The following RTL9 variants were observed in gnomAD, a reference collection of about 807,000 sequenced individuals.
The protein encoded by RTL9 is retrotransposon Gag-like protein 9.
A neutral mutation model predicts 44.7 loss-of-function variants in RTL9; 19 were observed. That is an observed-to-expected ratio of 0.42 (90% confidence interval 0.30 to 0.62). RTL9 has a LOEUF of 0.62. Among genes scored for constraint, RTL9 ranks in the 20% least tolerant of loss-of-function variants. The probability of loss-of-function intolerance (pLI) is 0.16; values close to 1 mark genes in which losing one functional copy is unlikely to be tolerated. For synonymous variants in RTL9, 407 were observed against 398.9 expected (o/e 1.02, Z -0.24); for missense variants, 1,105 against 1,080.6 (o/e 1.02, Z -0.32).
At chrX:110,397,488 G>T (rs2068535480) in intron 1 of RTL9, among the ~76,000 whole-genome samples, 1 of 110,161 alleles carries the variant, frequency 9.1e-6, no homozygotes, top group Non-Finnish European at 1.9e-5. Context: ...CTAGAGATTA[G>T]TCACAGCAGG....
intron 1 of RTL9, among the ~76,000 whole-genome samples, chrX:110,382,800 T>C (rs760168893): frequency 1.8e-5 from 2 of 112,145 alleles, no homozygotes; most frequent in Admixed American, 1.9e-4. Context: ...GGCCACTGTG[T>C]TAATTAAATT....
chrX:110,446,262 C>G (rs1369789460), upstream of RTL9, among the ~76,000 whole-genome samples: 1 of 111,222 alleles, frequency 9.0e-6, no homozygotes, highest in Non-Finnish European at 1.9e-5. Flanking sequence ...AGTCTTTATC[C>G]TAAGAATATA....
intron 1 of RTL9, among the ~76,000 whole-genome samples, chrX:110,406,114 GT>G (rs201895781): frequency 2.5e-3 from 260 of 103,806 alleles, no homozygotes; most frequent in East Asian, 0.016. Flanking sequence ...CTGGAAAGTG[GT>G]TTTTTTTTTT....
At chrX:110,452,842 G>A in exon 1 of RTL9, 1 of 1,211,816 alleles carries the variant, frequency 8.3e-7, no homozygotes, top group East Asian at 3.0e-5. Context: ...ATGACCGCTG[G>A]AGGGATGCAG....
chrX:110,451,082 A>G (rs1183339212), exon 1 of RTL9: 2 of 1,212,045 alleles, frequency 1.7e-6, no homozygotes, highest in East Asian at 5.9e-5. Context: ...CCGCAACGCT[A>G]ATGGTAGCAC....
chrX:110,401,029 C>T (rs1368389701), intron 1 of RTL9, among the ~76,000 whole-genome samples: 2 of 112,272 alleles, frequency 1.8e-5, no homozygotes. Context: ...TTGTGCTGAA[C>T]CATTTACACA....
intron 1 of RTL9, among the ~76,000 whole-genome samples, chrX:110,409,685 G>A (rs1048565060): frequency 4.6e-5 from 5 of 107,692 alleles, no homozygotes; most frequent in African/African-American, 1.4e-4. Flanking sequence ...TCAATAATAC[G>A]TGTACTCCTT....
At chrX:110,393,989 C>T (rs897132124) in intron 1 of RTL9, among the ~76,000 whole-genome samples, 1 of 112,473 alleles carries the variant, frequency 8.9e-6, no homozygotes, top group Admixed American at 9.3e-5. Context: ...GCTCAATGAG[C>T]GCTTTTGTGA....
At chrX:110,402,373 T>C (rs1211839131) in intron 1 of RTL9, among the ~76,000 whole-genome samples, 2 of 113,069 alleles carry the variant, frequency 1.8e-5, no homozygotes, top group Non-Finnish European at 3.7e-5. Context: ...AGGGTTGCCT[T>C]GGTAAGGCAG....
intron 1 of RTL9, among the ~76,000 whole-genome samples, chrX:110,438,316 G>A (rs1046257175): frequency 3.6e-5 from 4 of 111,835 alleles, no homozygotes; most frequent in African/African-American, 1.3e-4. Flanking sequence ...AGCGGATGGA[G>A]AGATTGGAAA....
intron 1 of RTL9, among the ~76,000 whole-genome samples, chrX:110,405,399 G>A (rs2068594648): frequency 9.0e-6 from 1 of 111,318 alleles, no homozygotes; most frequent in Non-Finnish European, 1.9e-5. Context: ...AACCTGGGAG[G>A]AGAAGGTATG....
chrX:110,386,640 T>C (rs184923288), intron 1 of RTL9, among the ~76,000 whole-genome samples: 7 of 112,277 alleles, frequency 6.2e-5, no homozygotes, highest in Non-Finnish European at 1.3e-4. Flanking sequence ...TTTTTTTTCA[T>C]TTTCTTGAAG....
At chrX:110,451,930 C>A in exon 1 of RTL9, 2 of 1,211,924 alleles carry the variant, frequency 1.7e-6, no homozygotes, top group South Asian at 1.8e-5. Flanking sequence ...GGAGCCATGA[C>A]CACCTCACTG....
chrX:110,423,526 G>A (rs1431663100), intron 1 of RTL9, among the ~76,000 whole-genome samples: 1 of 111,656 alleles, frequency 9.0e-6, no homozygotes, highest in Non-Finnish European at 1.9e-5. Flanking sequence ...GGTCCATTCA[G>A]TAAGGTCACT....
chrX:110,402,916 G>A (rs2068574824), intron 1 of RTL9, among the ~76,000 whole-genome samples: 1 of 112,169 alleles, frequency 8.9e-6, no homozygotes, highest in Non-Finnish European at 1.9e-5. Context: ...AACAACTTCT[G>A]AGGGTGTGAC....
At chrX:110,373,688 C>T (rs1240239316) in intron 1 of RTL9, among the ~76,000 whole-genome samples, 1 of 111,754 alleles carries the variant, frequency 8.9e-6, no homozygotes, top group Non-Finnish European at 1.9e-5. Context: ...TTTTGTAGCC[C>T]TCATGTATGA....
chrX:110,448,504 G>T (rs1402985436), upstream of RTL9, among the ~76,000 whole-genome samples: 1 of 109,060 alleles, frequency 9.2e-6, no homozygotes, highest in Admixed American at 9.9e-5. Context: ...TGGGACTGTT[G>T]GGGGCGACAG....
At chrX:110,397,139 C>G (rs2068533880) in intron 1 of RTL9, among the ~76,000 whole-genome samples, 1 of 111,596 alleles carries the variant, frequency 9.0e-6, no homozygotes, top group Non-Finnish European at 1.9e-5. Flanking sequence ...AACTGCTTTT[C>G]TGTTCCTGCC....
intron 1 of RTL9, among the ~76,000 whole-genome samples, chrX:110,406,677 TC>T (rs1367251453): frequency 8.9e-5 from 10 of 112,040 alleles, no homozygotes; most frequent in African/African-American, 2.9e-4. Context: ...TTGAAGAATC[TC>T]CAGTGTCTTC....
Sources: allele counts gnomAD v4.1 joint callset (sites outside exome capture counted in the v4.1 genomes callset), GRCh38; gene constraint gnomAD v4.1.1; transcripts MANE v1.5; gene names NCBI Gene and HGNC (gene_info 2026-07-23, HGNC 2026-07-21).